CALD1: variants seen among roughly 807,000 people sequenced by gnomAD.
The protein encoded by CALD1 is caldesmon.
In CALD1, 33 loss-of-function variants were observed where a neutral mutation model predicts 99.9. That is an observed-to-expected ratio of 0.33 (90% CI 0.25 to 0.44). The LOEUF (loss-of-function observed/expected upper bound fraction) is 0.44. CALD1 is among the 20% of genes least tolerant of loss of function. CALD1 has a pLI of 1.00. For synonymous variants in CALD1, 310 were observed against 325.0 expected, an observed-to-expected ratio of 0.95 and a Z score of 0.50; for missense variants, 861 against 962.1, an observed-to-expected ratio of 0.89 and a Z score of 1.39.
At chr7:134,920,594 C>A in intron 3 of CALD1, 1 of 1,288,616 alleles carries the variant, frequency 7.8e-7, no homozygotes, top group Non-Finnish European at 1.0e-6. Context: ...ATCTCAGTTA[C>A]CAGCCTGAAA....
At chr7:134,736,880 T>C in the CALD1 span, among the ~76,000 whole-genome samples, 1 of 152,208 alleles carries the variant, frequency 6.6e-6, no homozygotes, top group Non-Finnish European at 1.5e-5. Context: ...TTTCTCATGC[T>C]GTCTTTTCTA....
intron 1 of CALD1, among the ~76,000 whole-genome samples, chr7:134,763,599 G>A (rs1260430267): frequency 6.6e-6 from 1 of 152,050 alleles, no homozygotes; most frequent in East Asian, 1.9e-4. Flanking sequence ...TGTTATAAAT[G>A]GCCACCTGAG....
chr7:134,723,990 A>G, the CALD1 span, among the ~76,000 whole-genome samples: 1 of 152,244 alleles, frequency 6.6e-6, no homozygotes, highest in East Asian at 1.9e-4. Flanking sequence ...TCAGAGAAGC[A>G]TATTTGCCTT....
At chr7:134,934,415 T>C (rs12707192) in intron 5 of CALD1, among the ~76,000 whole-genome samples, 62,002 of 152,028 alleles carry the variant, frequency 0.41, 13,347 homozygotes, top group East Asian at 0.88. Flanking sequence ...TCTGATTCTG[T>C]GCTTGCATCT....
chr7:134,791,479 C>T (rs1211772217), intron 1 of CALD1, among the ~76,000 whole-genome samples: 1 of 152,068 alleles, frequency 6.6e-6, no homozygotes, highest in Non-Finnish European at 1.5e-5. Context: ...ATTACAGGGA[C>T]CATGCCCGGC....
At chr7:134,936,295 G>A (rs1805968274) in intron 6 of CALD1, among the ~76,000 whole-genome samples, 1 of 152,172 alleles carries the variant, frequency 6.6e-6, no homozygotes, top group Non-Finnish European at 1.5e-5. Flanking sequence ...GTTCTGCATT[G>A]CATTTCTGAG....
In CALD1 at chr7:134,831,783, TG is replaced by T. The variant is rs1799233300; in HGVS notation, c.-129-12100del. On this transcript the variant is annotated intron_variant, in intron 1 of 14. Coordinates refer to ENST00000361675, the MANE Select transcript of CALD1 (RefSeq NM_033138.4). ...ATCTGCGAGTTACCGGCGGCGAATC[TG>T]TAGGGGTCCACAGCAACTTCAGTCC... Among the ~76,000 whole-genome samples, 4 of 152,298 alleles carry T rather than the reference TG, an allele frequency of 2.6e-5. No homozygotes were observed. The South Asian group carries it at 8.3e-4, about 32-fold the overall frequency.
intron 1 of CALD1, among the ~76,000 whole-genome samples, chr7:134,809,369 G>C (rs1003140041): frequency 1.5e-4 from 23 of 152,312 alleles, no homozygotes; most frequent in Middle Eastern, 3.4e-3. Context: ...GTCTGTCCTA[G>C]CTGTGAGAAC....
chr7:134,961,298 G>C (rs1808244881), intron 13 of CALD1: 1 of 152,084 alleles, frequency 6.6e-6, no homozygotes, highest in South Asian at 2.1e-4. Flanking sequence ...ACAATTGCTT[G>C]CATTTGTCAT....
intron 4 of CALD1, among the ~76,000 whole-genome samples, chr7:134,929,214 A>T (rs1805297353): frequency 6.6e-6 from 1 of 152,152 alleles, no homozygotes; most frequent in South Asian, 2.1e-4. Context: ...ATATCTTAAA[A>T]ATAAGTATGG....
At chr7:134,809,881 A>T (rs928688680) in intron 1 of CALD1, among the ~76,000 whole-genome samples, 1 of 152,182 alleles carries the variant, frequency 6.6e-6, no homozygotes, top group Non-Finnish European at 1.5e-5. Flanking sequence ...TAGAAAAAAA[A>T]TTAAGCTATA....
intron 1 of CALD1, among the ~76,000 whole-genome samples, chr7:134,753,300 G>GA (rs539117295): frequency 3.6e-4 from 54 of 151,808 alleles, no homozygotes; most frequent in Admixed American, 7.2e-4. Flanking sequence ...AATTTCTATA[G>GA]AAAAAAAATA....
chr7:134,788,402 A>T (rs1253149962), intron 1 of CALD1, among the ~76,000 whole-genome samples: 2 of 151,810 alleles, frequency 1.3e-5, no homozygotes, highest in African/African-American at 4.8e-5. Context: ...TACAAAGCAG[A>T]CTCCCCTCCC....
chr7:134,760,161 G>T (rs1254800819), intron 1 of CALD1, among the ~76,000 whole-genome samples: 1 of 152,246 alleles, frequency 6.6e-6, no homozygotes, highest in Non-Finnish European at 1.5e-5. Context: ...AGGAGATGAA[G>T]TCTGAGAGAT....
intron 1 of CALD1, among the ~76,000 whole-genome samples, chr7:134,821,309 C>G (rs1215300472): frequency 6.6e-6 from 1 of 151,952 alleles, no homozygotes; most frequent in Non-Finnish European, 1.5e-5. Flanking sequence ...TTTTAAAAAC[C>G]CATATCTCAT....
chr7:134,801,480 T>C (rs923356655), intron 1 of CALD1, among the ~76,000 whole-genome samples: 4 of 152,236 alleles, frequency 2.6e-5, no homozygotes, highest in Non-Finnish European at 2.9e-5. Context: ...GAGAGTGACT[T>C]TGGGTTGTAA....
chr7:134,778,589 A>G (rs1344065701), upstream of CALD1, among the ~76,000 whole-genome samples: 1 of 152,230 alleles, frequency 6.6e-6, no homozygotes, highest in Non-Finnish European at 1.5e-5. Flanking sequence ...CTGTATTGAA[A>G]AGGACAAGAC....
the CALD1 span, among the ~76,000 whole-genome samples, chr7:134,717,639 C>T: frequency 6.6e-6 from 1 of 152,208 alleles, no homozygotes; most frequent in Admixed American, 6.5e-5. Flanking sequence ...TGTGCTCAGG[C>T]TCCGGGTCCA....
At chr7:134,714,233 A>C in the CALD1 span, among the ~76,000 whole-genome samples, 16 of 152,128 alleles carry the variant, frequency 1.1e-4, no homozygotes, top group African/African-American at 3.9e-4. Flanking sequence ...AAATTATTGT[A>C]TTTCTTTATA....
Sources: allele counts gnomAD v4.1 joint callset (sites outside exome capture counted in the v4.1 genomes callset), GRCh38; gene constraint gnomAD v4.1.1; transcripts MANE v1.5; gene names NCBI Gene and HGNC (gene_info 2026-07-23, HGNC 2026-07-21).